Variants in CHD9 observed in about 807,000 individuals in gnomAD.
CHD9 encodes the protein ATP-dependent chromatin remodeler CHD9.
In CHD9, 77 loss-of-function variants were observed where a neutral mutation model predicts 316.1. The observed-to-expected ratio is 0.24, with a 90% CI of 0.20 to 0.29. The LOEUF (loss-of-function observed/expected upper bound fraction) is 0.29. CHD9 is among the 10% of genes least tolerant of loss of function. The pLI is 1.00. For missense variants in CHD9, 2,763 were observed against 3,438.1 expected, an observed-to-expected ratio of 0.80 and a Z score of 4.91; for synonymous variants, 1,129 against 1,158.3, an observed-to-expected ratio of 0.97 and a Z score of 0.51.
At position 53,287,980 on chromosome 16, in the gene CHD9, A is replaced by G. The variant is rs61754093; in HGVS notation, c.5213A>G (p.Lys1738Arg). ...AGGGATGTGGAAGATCCAGAATACA[A>G]ACCTGCCCCAGCCATCTTTAAAGAT... ...MDGDVEDPEY[K>R]PAPAIFKDDI... Residue 1738 changes from lysine to arginine, a missense_variant, in exon 27 of 39, where the codon AAA (lysine) becomes AGA (arginine). By Grantham distance (26) the Lys-to-Arg change is conservative. Coordinates refer to ENST00000447540, the MANE Select transcript of CHD9 (RefSeq NM_001308319.2). The G allele has an allele frequency of 5.1e-3, 8,241 of 1,611,182 alleles. 30 individuals carry two copies. Among genetic ancestry groups the G allele is most frequent in the Non-Finnish European group, 6.4e-3 (7,477 of 1,177,300 alleles).
chr16:53,275,495 A>G (rs1030968554), intron 24 of CHD9, among the ~76,000 whole-genome samples: 3 of 152,226 alleles, frequency 2.0e-5, no homozygotes, highest in Non-Finnish European at 2.9e-5. Context: ...AGAAAAAACT[A>G]TACCGCAATG....
chr16:53,282,830 G>A (rs915749572), intron 24 of CHD9, among the ~76,000 whole-genome samples: 1 of 151,928 alleles, frequency 6.6e-6, no homozygotes, highest in Non-Finnish European at 1.5e-5. Flanking sequence ...TTCTCCTGTG[G>A]TTTTTCTTTT....
chr16:53,247,259 A>T, intron 15 of CHD9, 34 bp from the exon 16 acceptor site: 1 of 1,449,266 alleles, frequency 6.9e-7, no homozygotes, highest in Non-Finnish European at 9.5e-7. Flanking sequence ...CTGCATTTGC[A>T]CATTGCTGTT....
intron 19 of CHD9, among the ~76,000 whole-genome samples, chr16:53,257,575 T>C (rs563548691): frequency 6.6e-6 from 1 of 152,204 alleles, no homozygotes; most frequent in Non-Finnish European, 1.5e-5. Context: ...GACTTGAAGA[T>C]TTTTTGCTTA....
chr16:53,271,940 G>A (rs2052309777), intron 22 of CHD9, among the ~76,000 whole-genome samples: 2 of 151,980 alleles, frequency 1.3e-5, no homozygotes, highest in Non-Finnish European at 2.9e-5. Context: ...TTGGAATACA[G>A]AACTATTTAT....
intron 2 of CHD9, among the ~76,000 whole-genome samples, chr16:53,172,147 CATT>C (rs2042803983): frequency 6.6e-6 from 1 of 152,194 alleles, no homozygotes; most frequent in Non-Finnish European, 1.5e-5. Context: ...AGAACATACT[CATT>C]ACCCCCAAAA....
intron 3 of CHD9, among the ~76,000 whole-genome samples, chr16:53,216,571 T>C (rs1443578707): frequency 1.3e-5 from 2 of 152,196 alleles, no homozygotes; most frequent in African/African-American, 2.4e-5. Flanking sequence ...TGCCTGTCTG[T>C]ATGGTGGGAC....
chr16:53,227,580 AT>A lies in CHD9; in HGVS notation c.2151del (p.Phe717LeufsTer2). On this transcript the variant is annotated frameshift_variant, in exon 7 of 39. Coordinates refer to ENST00000447540, the MANE Select transcript of CHD9 (RefSeq NM_001308319.2). LOFTEE classifies it high-confidence loss of function. Reference protein sequence around the residue: ...SPGVMIDTEEFFVKYKNYSYL... With the variant: ...SPGVMIDTEEXFVKYKNYSYL... ...CTGGAGTGATGATTGATACAGAAGA[AT>A]TTTTTGTAAAATACAAGAATTAGTA... 1.5e-6 allele frequency: 2 copies of A among 1,359,406 alleles called. No homozygotes were observed. Among genetic ancestry groups the A allele is most frequent in the Non-Finnish European group, 9.9e-7 (1 of 1,015,048 alleles). 84.2% of individuals were successfully genotyped at this position (1,359,406 alleles called of 1,614,324 possible). A position where few individuals can be genotyped will look rare whatever the true frequency, so the allele number is the denominator to read the frequency against.
At chr16:53,131,030 G>GC in intron 1 of CHD9, 1 of 154,402 alleles carries the variant, frequency 6.5e-6, no homozygotes, top group Non-Finnish European at 1.4e-5. Context: ...CCTGCCCCGC[G>GC]CTGACAGGGG....
chr16:53,059,845 C>T (rs1002880578), intron 1 of CHD9, among the ~76,000 whole-genome samples: 4 of 152,178 alleles, frequency 2.6e-5, no homozygotes, highest in Admixed American at 2.0e-4. Context: ...AGCGAAATGA[C>T]GTACAGTAAG....
rs770660226 is a variant in CHD9 at position 53,304,212 on chromosome 16, C to A, written c.6206C>A (p.Thr2069Asn). Residue 2069 changes from threonine to asparagine, a missense_variant, in exon 31 of 39, where the codon ACC becomes AAC. By Grantham distance (65) the Thr-to-Asn change is moderately conservative. Coordinates refer to ENST00000447540, the MANE Select transcript of CHD9 (RefSeq NM_001308319.2). ...SEEESMSSVE[T>N]RTLIKSEPVS... ...GAAGAATCTATGTCTTCTGTGGAAA[C>A]CAGGACACTAATAAAATCTGAGCCT... 3.7e-6 allele frequency: 6 copies of A among 1,611,204 alleles called. No individual in the cohort carries two copies. The South Asian group carries it at 6.6e-5, about 18-fold the overall frequency.
At chr16:53,296,434 ATT>A (rs35618799) in intron 29 of CHD9, among the ~76,000 whole-genome samples, 6 of 101,752 alleles carry the variant, frequency 5.9e-5, no homozygotes, top group African/African-American at 1.6e-4. Context: ...TTAAAAGTAA[ATT>A]TTTTTTTTTT....
chr16:53,168,009 A>G (rs914412678), intron 2 of CHD9, among the ~76,000 whole-genome samples: 4 of 152,104 alleles, frequency 2.6e-5, no homozygotes, highest in Non-Finnish European at 5.9e-5. Context: ...TATAGGAAAC[A>G]TTGAGTATAA....
Position 53,304,196 on chromosome 16 carries a change from A to G in CHD9, c.6190A>G (p.Met2064Val), listed in dbSNP as rs963365184. The stretch of plus-strand genomic sequence containing the variant: ...GCCTCAGTCTTCTGAAGAAGAATCT[A>G]TGTCTTCTGTGGAAACCAGGACACT... ...EEPQSSEEES[M>V]SSVETRTLIK... Residue 2064 changes from methionine to valine, a missense_variant, in exon 31 of 39, where the codon ATG (methionine) becomes GTG (valine). Met to Val is a conservative substitution (Grantham distance 21, BLOSUM62 1). This residue lies in a region of CHD9 where 663 missense variants were observed against 751.2 expected (regional missense o/e 0.88). Transcript: ENST00000447540. 2.6e-5 allele frequency: 42 copies of G among 1,611,714 alleles called. No individual in the cohort carries two copies. Among genetic ancestry groups the G allele is most frequent in the Non-Finnish European group, 3.6e-5 (42 of 1,178,800 alleles).
chr16:53,150,427 A>G (rs1356737333), intron 1 of CHD9, among the ~76,000 whole-genome samples: 1 of 152,182 alleles, frequency 6.6e-6, no homozygotes, highest in Non-Finnish European at 1.5e-5. Context: ...CAAAGATTAC[A>G]TCGGTCTACA....
rs190011762 is a variant in CHD9, at chr16:53,200,268, G to A, written c.1453-9214G>A. Among the ~76,000 whole-genome samples, 362 of 151,856 alleles carry A rather than the reference G, an allele frequency of 2.4e-3. 3 individuals are homozygous for A. The highest frequency in any genetic ancestry group is 8.5e-3 in the African/African-American group (350 of 41,384). ...CACCTATAGTCCCAGCTACTTGGGA[G>A]GCTGAGGCAGGAGAATTGCTTGAAC... On this transcript the variant is annotated intron_variant, in intron 2 of 38. Transcript: ENST00000447540.
intron 29 of CHD9, 102 bp downstream of exon 29, chr16:53,293,154 A>G: frequency 1.9e-6 from 2 of 1,039,396 alleles, no homozygotes; most frequent in South Asian, 3.0e-5. Flanking sequence ...AAACATACAT[A>G]GAATGTTGGT....
At chr16:53,164,205 C>T (rs115116615) in intron 2 of CHD9, among the ~76,000 whole-genome samples, 200 of 152,294 alleles carry the variant, frequency 1.3e-3, no homozygotes, top group African/African-American at 4.6e-3. Flanking sequence ...CCATGCCTCT[C>T]ATGTTTTCTG....
chr16:53,180,083 A>G (rs8057437), intron 2 of CHD9, among the ~76,000 whole-genome samples: 5,442 of 146,432 alleles, frequency 0.037, 348 homozygotes, highest in African/African-American at 0.13. Context: ...CTGGAGTGCA[A>G]TGGTGCCATC....
Sources: allele counts gnomAD v4.1 joint callset (sites outside exome capture counted in the v4.1 genomes callset), GRCh38; gene constraint gnomAD v4.1.1; regional missense constraint gnomAD v4.1.1; transcripts MANE v1.5; gene names NCBI Gene and HGNC (gene_info 2026-07-23, HGNC 2026-07-21).